The following TDRD10 variants were observed in gnomAD, a reference collection of about 807,000 sequenced individuals.
TDRD10 encodes tudor domain containing 10, also known as tudor domain-containing protein 10.
In TDRD10, 40 loss-of-function variants were observed where a neutral mutation model predicts 48.0. The ratio of observed to expected loss-of-function variants is 0.83; its 90% CI spans 0.65 to 1.09. The LOEUF is 1.09. Among genes scored for constraint, TDRD10 ranks in the 50% least tolerant of loss-of-function variants. The pLI is 0.00. For missense variants in TDRD10, 378 were observed against 434.7 expected (o/e 0.87, Z 1.16); for synonymous variants, 162 against 170.4 (o/e 0.95, Z 0.38).
chr1:154,534,013 C>T (rs1266330917), intron 6 of TDRD10, among the ~76,000 whole-genome samples: 4 of 151,646 alleles, frequency 2.6e-5, no homozygotes, highest in African/African-American at 7.3e-5. Context: ...GGATTATAGG[C>T]GTGAGACCCC....
chr1:154,517,723 G>T (rs1436464942), intron 4 of TDRD10, among the ~76,000 whole-genome samples: 1 of 152,026 alleles, frequency 6.6e-6, no homozygotes, highest in Admixed American at 6.6e-5. Flanking sequence ...CGCCCGGCTT[G>T]GACCATTTTT....
chr1:154,547,652 A>G lies in TDRD10; in HGVS notation c.1024-26A>G, dbSNP rs371053240. The G allele has an allele frequency of 8.1e-6, 13 of 1,613,920 alleles. No individual in the cohort carries two copies. In the Admixed American group the frequency reaches 1.8e-4, roughly 23 times the overall value. Reference sequence around the variant, plus strand: ...CTGGCTCGGGTGGGCCTTCCTTCCCACCAAGGCTTTGTCTTTCTCTTCCAG... The same window carrying G: ...CTGGCTCGGGTGGGCCTTCCTTCCCGCCAAGGCTTTGTCTTTCTCTTCCAG... On this transcript the variant is annotated intron_variant, in intron 12 of 12. Coordinates refer to ENST00000368482, the MANE Select transcript of TDRD10 (RefSeq NM_182499.4).
At position 154,542,066 on chromosome 1, in the gene TDRD10, G is replaced by T; in HGVS notation, c.412G>T (p.Ala138Ser). ...TGGTGAAGGATTTGGCAAAACCGCC[G>T]GTGAGATTCTGCGCTGCCATCCTTT... ...ASGEGFGKTAAIIQLAPKAPV... is the reference protein window; with the variant it reads ...ASGEGFGKTASIIQLAPKAPV... Residue 138 changes from alanine to serine, a missense_variant and splice_region_variant, in exon 7 of 13, where the codon GCT becomes TCT. Coordinates refer to ENST00000368482, the MANE Select transcript of TDRD10 (RefSeq NM_182499.4). The T allele has an allele frequency of 6.2e-7, 1 of 1,613,892 alleles. No individual in the cohort carries two copies. The highest frequency in any genetic ancestry group is 8.5e-7 in the Non-Finnish European group (1 of 1,179,892).
intron 6 of TDRD10, among the ~76,000 whole-genome samples, chr1:154,528,214 T>TAAA (rs56022323): frequency 6.9e-6 from 1 of 144,856 alleles, no homozygotes; most frequent in African/African-American, 2.6e-5. Flanking sequence ...CCTCGTCTCT[T>TAAA]AAAAAAAAAA....
chr1:154,505,909 A>G (rs892121954), intron 1 of TDRD10, among the ~76,000 whole-genome samples: 1 of 152,324 alleles, frequency 6.6e-6, no homozygotes, highest in African/African-American at 2.4e-5. Flanking sequence ...GCCATGATCT[A>G]TGACATGGGT....
At chr1:154,546,610 T>C (rs1168878748) in intron 11 of TDRD10, among the ~76,000 whole-genome samples, 1 of 151,954 alleles carries the variant, frequency 6.6e-6, no homozygotes, top group East Asian at 1.9e-4. Flanking sequence ...GAGGTTGTCT[T>C]GGGTCATTGC....
intron 4 of TDRD10, among the ~76,000 whole-genome samples, chr1:154,514,477 C>T (rs997732315): frequency 5.9e-5 from 9 of 152,048 alleles, no homozygotes; most frequent in Non-Finnish European, 1.3e-4. Context: ...GGGAAACACA[C>T]GGAATGGGGG....
Position 154,544,447 on chromosome 1 carries a change from T to TCG in TDRD10, c.728_729insGC (p.Thr244ProfsTer56), listed in dbSNP as rs1695436310. The TCG allele has an allele frequency of 6.2e-7, 1 of 1,612,154 alleles. No individual in the cohort carries two copies. Among genetic ancestry groups the TCG allele is most frequent in the Non-Finnish European group, 8.5e-7 (1 of 1,179,498 alleles). On this transcript the variant is annotated frameshift_variant, in exon 10 of 13. Transcript: ENST00000368482. LOFTEE classifies it high-confidence loss of function. Reference sequence around the variant, plus strand: ...GGAGCAGCAGCCCTACCTGGAGGGCTCCACCGTTATGCGCGGGACTCGCTG... The same window carrying TCG: ...GGAGCAGCAGCCCTACCTGGAGGGCTCGCCACCGTTATGCGCGGGACTCGCTG...
chr1:154,535,964 A>C (rs943299913), intron 6 of TDRD10, among the ~76,000 whole-genome samples: 2 of 152,204 alleles, frequency 1.3e-5, no homozygotes, highest in Admixed American at 1.3e-4. Context: ...CAGGAAGAAA[A>C]ATGTAAAATT....
rs1436099819 is a variant in TDRD10, at chr1:154,511,465, ATACTAATAATACAAATAT to A, written c.141+3001_141+3018del. 1.7e-4 allele frequency among the ~76,000 whole-genome samples: 26 copies of A among 150,724 alleles called. 1 individual carries two copies. The highest frequency in any genetic ancestry group is 6.6e-4 in the Admixed American group (10 of 15,104). On this transcript the variant is annotated intron_variant, in intron 4 of 12. Coordinates refer to ENST00000368482, the MANE Select transcript of TDRD10 (RefSeq NM_182499.4). ...CCTGGTCAACATGGTGAAACTAATA[ATACTAATAATACAAATAT>A]TACTAATAATACAAATTATTACTAA...
intron 7 of TDRD10, 28 bp from the exon 8 acceptor site, chr1:154,542,703 C>T (rs1446746209): frequency 6.3e-7 from 1 of 1,599,086 alleles, no homozygotes; most frequent in Non-Finnish European, 8.6e-7. Context: ...GTTCTGGTGC[C>T]TCCAGGACTT....
chr1:154,519,651 G>A (rs190746705), intron 4 of TDRD10, among the ~76,000 whole-genome samples: 1 of 152,306 alleles, frequency 6.6e-6, no homozygotes, highest in East Asian at 1.9e-4. Flanking sequence ...GGAGGCATTA[G>A]GTGGAGACGG....
rs372730996 is a variant in TDRD10 at position 154,530,331 on chromosome 1, A to G, written c.369+8852A>G. Among the ~76,000 whole-genome samples, 13 of 151,706 alleles carry G rather than the reference A, an allele frequency of 8.6e-5. No individual in the cohort carries two copies. In the South Asian group the frequency reaches 2.7e-3, roughly 32 times the overall value. On this transcript the variant is annotated intron_variant, in intron 6 of 12. Transcript: ENST00000368482. ...GGCCTAAAAACATTTTCATTAGATAAACAGTTTTTTTTTTCAACACTGGAA... is the reference window on the plus strand; with the variant it reads ...GGCCTAAAAACATTTTCATTAGATAGACAGTTTTTTTTTTCAACACTGGAA...
intron 11 of TDRD10, 90 bp from the exon 12 acceptor site, chr1:154,547,319 C>A: frequency 7.1e-7 from 1 of 1,418,036 alleles, no homozygotes; most frequent in Non-Finnish European, 9.8e-7. Flanking sequence ...AGAGCACTTT[C>A]CCTGCAGCCC....
At chr1:154,535,584 A>G (rs1283836184) in intron 6 of TDRD10, among the ~76,000 whole-genome samples, 1 of 150,754 alleles carries the variant, frequency 6.6e-6, no homozygotes, top group East Asian at 2.0e-4. Flanking sequence ...TGAGGCTGAG[A>G]TGGGAGGATC....
chr1:154,526,076 G>A (rs1259835849), intron 6 of TDRD10, among the ~76,000 whole-genome samples: 2 of 151,010 alleles, frequency 1.3e-5, no homozygotes, highest in African/African-American at 4.9e-5. Context: ...GTGGTGGCGT[G>A]CACCTGTAGT....
chr1:154,537,970 G>C (rs1173582756), intron 6 of TDRD10, among the ~76,000 whole-genome samples: 1 of 152,212 alleles, frequency 6.6e-6, no homozygotes, highest in East Asian at 1.9e-4. Context: ...GTGCTGCCTT[G>C]ATGTCTGTGG....
At chr1:154,512,238 GA>G (rs1194697785) in intron 4 of TDRD10, among the ~76,000 whole-genome samples, 3 of 152,136 alleles carry the variant, frequency 2.0e-5, no homozygotes, top group African/African-American at 7.2e-5. Flanking sequence ...TATATCAATA[GA>G]ATCATACAAT....
At chr1:154,505,176 C>T (rs1693074787) in intron 1 of TDRD10, among the ~76,000 whole-genome samples, 1 of 152,232 alleles carries the variant, frequency 6.6e-6, no homozygotes, top group South Asian at 2.1e-4. Flanking sequence ...AGATTATCAT[C>T]TCTGCATCTC....
Sources: allele counts gnomAD v4.1 joint callset (sites outside exome capture counted in the v4.1 genomes callset), GRCh38; gene constraint gnomAD v4.1.1; transcripts MANE v1.5; gene names NCBI Gene and HGNC (gene_info 2026-07-23, HGNC 2026-07-21).